The following WDR72 variants were observed in gnomAD, a reference collection of about 807,000 sequenced individuals.
WDR72 encodes the protein WD repeat domain 72, also known as WD repeat-containing protein 72.
Under a neutral mutation model 124.2 loss-of-function variants are expected in WDR72, and 120 were observed. The observed-to-expected ratio is 0.97, with a 90% CI of 0.83 to 1.12. The LOEUF is 1.12. WDR72 is among the 50% of genes most tolerant of loss of function. The pLI is 0.00. For missense variants in WDR72, 1,387 were observed against 1,278.8 expected (o/e 1.08, Z -1.29); for synonymous variants, 452 against 441.7 (o/e 1.02, Z -0.29).
chr15:53,711,195 C>A, intron 8 of WDR72, 141 bp downstream of exon 8: 18 of 1,224,142 alleles, frequency 1.5e-5, no homozygotes, highest in Non-Finnish European at 2.1e-5. Context: ...GCCTACCAAG[C>A]CCAGAGTAAA....
intron 14 of WDR72, among the ~76,000 whole-genome samples, chr15:53,644,918 A>G (rs2140417781): frequency 6.6e-6 from 1 of 152,252 alleles, no homozygotes; most frequent in East Asian, 1.9e-4. Flanking sequence ...CTTGGGTATC[A>G]GCAGGGCATC....
chr15:53,570,980 A>G (rs997927402), intron 18 of WDR72, among the ~76,000 whole-genome samples: 28 of 152,096 alleles, frequency 1.8e-4, no homozygotes, highest in African/African-American at 6.0e-4. Flanking sequence ...ACACAAACAG[A>G]AAACCAAATA....
intron 18 of WDR72, among the ~76,000 whole-genome samples, chr15:53,539,790 T>G (rs528137969): frequency 6.6e-6 from 1 of 152,224 alleles, no homozygotes; most frequent in Admixed American, 6.5e-5. Flanking sequence ...ATGTACAAAC[T>G]TACCATCTTT....
At chr15:53,644,621 AG>A (rs202216066) in intron 14 of WDR72, among the ~76,000 whole-genome samples, 1 of 148,098 alleles carries the variant, frequency 6.8e-6, no homozygotes, top group African/African-American at 2.7e-5. Context: ...AGGAACAAAA[AG>A]AATCCCAACA....
At chr15:53,563,938 T>G (rs1022220557) in intron 18 of WDR72, among the ~76,000 whole-genome samples, 1 of 151,830 alleles carries the variant, frequency 6.6e-6, no homozygotes, top group Non-Finnish European at 1.5e-5. Context: ...CAATAAGAAA[T>G]TGTTGTCCGC....
chr15:53,731,704 CTG>C (rs762141910), intron 2 of WDR72, among the ~76,000 whole-genome samples: 24 of 151,898 alleles, frequency 1.6e-4, no homozygotes, highest in Non-Finnish European at 2.9e-4. Context: ...TATATCATAA[CTG>C]TGCCACAGTA....
chr15:53,761,833 A>ATC (rs1382592741), upstream of WDR72, among the ~76,000 whole-genome samples: 3 of 119,810 alleles, frequency 2.5e-5, no homozygotes, highest in Non-Finnish European at 5.4e-5. Context: ...AACAAAAACA[A>ATC]AAACCCAAAG....
intron 18 of WDR72, among the ~76,000 whole-genome samples, chr15:53,533,526 T>C (rs977369195): frequency 5.3e-5 from 8 of 152,102 alleles, no homozygotes; most frequent in African/African-American, 1.9e-4. Flanking sequence ...ATTTCCTAAG[T>C]AGAAAACCCA....
At chr15:53,586,633 G>A (rs1042566312) in intron 18 of WDR72, among the ~76,000 whole-genome samples, 4 of 151,996 alleles carry the variant, frequency 2.6e-5, no homozygotes, top group African/African-American at 9.7e-5. Context: ...TAGTAGTTCA[G>A]TAACATATAC....
At chr15:53,634,651 C>G (rs1256417661) in intron 14 of WDR72, among the ~76,000 whole-genome samples, 1 of 152,164 alleles carries the variant, frequency 6.6e-6, no homozygotes, top group African/African-American at 2.4e-5. Flanking sequence ...CCTAGCAGAA[C>G]AGAAAGTCCT....
chr15:53,749,122 C>T (rs913728095), intron 1 of WDR72, among the ~76,000 whole-genome samples: 1 of 152,094 alleles, frequency 6.6e-6, no homozygotes, highest in Admixed American at 6.6e-5. Context: ...AAGGATTTCC[C>T]CCAGGGGAGG....
intron 18 of WDR72, among the ~76,000 whole-genome samples, chr15:53,526,560 C>A (rs773868895): frequency 1.3e-5 from 2 of 152,166 alleles, no homozygotes; most frequent in Non-Finnish European, 2.9e-5. Context: ...TAGCTATAGA[C>A]AGGTTTTTCC....
intron 13 of WDR72, among the ~76,000 whole-genome samples, chr15:53,697,874 T>C (rs558222232): frequency 2.0e-5 from 3 of 152,264 alleles, no homozygotes; most frequent in Non-Finnish European, 4.4e-5. Context: ...AGTGGCGCGA[T>C]CTCCGCTCAC....
At chr15:53,585,661 G>C (rs2012165971) in intron 18 of WDR72, among the ~76,000 whole-genome samples, 2 of 151,950 alleles carry the variant, frequency 1.3e-5, no homozygotes, top group Non-Finnish European at 2.9e-5. Context: ...ACCCCTTCAG[G>C]CTCTATCAGC....
chr15:53,657,834 T>C (rs1387098923), intron 14 of WDR72, among the ~76,000 whole-genome samples: 2 of 152,160 alleles, frequency 1.3e-5, no homozygotes, highest in African/African-American at 4.8e-5. Context: ...ATAAAAACAA[T>C]AACGCCGACC....
chr15:53,688,931 C>A (rs1444949272), intron 13 of WDR72, among the ~76,000 whole-genome samples: 1 of 152,164 alleles, frequency 6.6e-6, no homozygotes, highest in Non-Finnish European at 1.5e-5. Flanking sequence ...GCTATCTGAT[C>A]TTTGACAAAC....
intron 13 of WDR72, among the ~76,000 whole-genome samples, chr15:53,674,180 A>C (rs1031099520): frequency 3.3e-5 from 5 of 152,190 alleles, no homozygotes; most frequent in African/African-American, 1.2e-4. Flanking sequence ...TGGGCAAGTG[A>C]TTAAGAGGAC....
chr15:53,568,331 T>C (rs745999991), intron 18 of WDR72, among the ~76,000 whole-genome samples: 9 of 151,754 alleles, frequency 5.9e-5, no homozygotes, highest in Non-Finnish European at 1.2e-4. Context: ...AATAGTGAAA[T>C]CGGTTTTTAT....
rs1271443488 is a variant in WDR72, at chr15:53,514,986, G to C, written c.*2713C>G. 1.3e-5 allele frequency: 1 copy of C among 75,706 alleles called. No homozygotes were observed. Among genetic ancestry groups the C allele is most frequent in the Non-Finnish European group, 3.0e-5 (1 of 33,468 alleles). 4.7% of individuals were successfully genotyped at this position (75,706 alleles called of 1,614,324 possible). ...AATCAAGGCTTGCAAATGAAAATAT[G>C]ATATTCCTTTGGGGGATATGCCATA... is the stretch of plus-strand genomic sequence containing the variant. On this transcript the variant is annotated 3_prime_UTR_variant, in exon 20 of 20. Coordinates refer to ENST00000360509, the MANE Select transcript of WDR72 (RefSeq NM_182758.4).
Sources: gnomAD v4.1 joint callset for allele counts (sites outside exome capture counted in the v4.1 genomes callset) on GRCh38, gnomAD v4.1.1 for gene constraint, MANE v1.5 for transcripts, NCBI Gene and HGNC (gene_info 2026-07-23, HGNC 2026-07-21) for gene names.